The following CRYL1 variants were observed in gnomAD, a reference collection of about 807,000 sequenced individuals.
The protein encoded by CRYL1 is lambda-crystallin homolog.
A neutral mutation model predicts 36.6 loss-of-function variants in CRYL1; 29 were observed. The ratio of observed to expected loss-of-function variants is 0.79; its 90% CI spans 0.59 to 1.08. The LOEUF (loss-of-function observed/expected upper bound fraction) is 1.08, where lower values mean the gene tolerates loss of function less well. CRYL1 is among the 50% of genes least tolerant of loss of function. CRYL1 has a pLI of 0.00. For missense variants in CRYL1, 411 were observed against 407.9 expected (o/e 1.01, Z -0.06); for synonymous variants, 152 against 151.5 (o/e 1.00, Z -0.02).
chr13:20,512,243 C>T (rs920809160), intron 2 of CRYL1, among the ~76,000 whole-genome samples, 200 bp downstream of exon 2: 6 of 152,258 alleles, frequency 3.9e-5, no homozygotes, highest in African/African-American at 1.4e-4. Context: ...CATTTCCTCC[C>T]CCATGGGAGC....
At chr13:20,501,103 A>T (rs528658953) in intron 2 of CRYL1, among the ~76,000 whole-genome samples, 56 of 152,192 alleles carry the variant, frequency 3.7e-4, no homozygotes, top group Middle Eastern at 3.4e-3. Flanking sequence ...TGGATTTGAG[A>T]CTGAACTCCC....
rs1408445892 is a variant in CRYL1 at position 20,435,728 on chromosome 13, A to G, written c.439-3432T>C. Among the ~76,000 whole-genome samples, 1 of 152,200 alleles carries G rather than the reference A, an allele frequency of 6.6e-6. No individual in the cohort carries two copies. Among genetic ancestry groups the G allele is most frequent in the Non-Finnish European group, 1.5e-5 (1 of 68,026 alleles). On this transcript the variant is annotated intron_variant, in intron 4 of 7. Transcript: ENST00000298248. The surrounding 1 kb of genome is among the most constrained non-coding windows in gnomAD (Gnocchi z 4.0). Reference sequence around the variant, plus strand: ...CTGGGCCTGCGCAGGCCGGCGGAGCACAAGGGACGCATTCTTCCCCGCCGC... The same window carrying G: ...CTGGGCCTGCGCAGGCCGGCGGAGCGCAAGGGACGCATTCTTCCCCGCCGC...
chr13:20,432,757 C>T (rs1408402664), intron 4 of CRYL1, among the ~76,000 whole-genome samples: 1 of 152,122 alleles, frequency 6.6e-6, no homozygotes, highest in African/African-American at 2.4e-5. Context: ...GTGGCTCACA[C>T]CTGTAATCCC....
intron 1 of CRYL1, among the ~76,000 whole-genome samples, chr13:20,524,314 CACAT>C (rs1323814079): frequency 2.0e-5 from 3 of 152,208 alleles, no homozygotes; most frequent in Non-Finnish European, 2.9e-5. Context: ...TATACACACA[CACAT>C]AAACTCTGGT....
rs1256792341 is a variant in CRYL1, at chr13:20,439,506, C to A, written c.438+87G>T. 12 of 1,030,416 alleles carry A rather than the reference C, an allele frequency of 1.2e-5. 1 individual carries two copies. Among genetic ancestry groups the A allele is most frequent in the Admixed American group, 6.1e-5 (2 of 32,548 alleles). 63.8% of individuals were successfully genotyped at this position (1,030,416 alleles called of 1,614,324 possible). On this transcript the variant is annotated intron_variant, in intron 4 of 7. Coordinates refer to ENST00000298248, the MANE Select transcript of CRYL1 (RefSeq NM_015974.3). ...GATTACTCACAAGTTATTGACCCCC[C>A]TCCCCCGCAAAAAAAAAAAAAAAAG...
chr13:20,497,718 CACAA>C (rs113982527), intron 2 of CRYL1, among the ~76,000 whole-genome samples: 38 of 150,770 alleles, frequency 2.5e-4, no homozygotes, highest in African/African-American at 3.2e-4. Context: ...ACACACACCA[CACAA>C]ACACACACCA....
chr13:20,454,510 G>A (rs905760558), intron 3 of CRYL1, among the ~76,000 whole-genome samples: 13 of 150,106 alleles, frequency 8.7e-5, no homozygotes, highest in Admixed American at 7.3e-4. Context: ...CTCCGCCTCT[G>A]AAGTTCACGC....
At chr13:20,468,217 A>T (rs1460795786) in intron 3 of CRYL1, among the ~76,000 whole-genome samples, 2 of 152,206 alleles carry the variant, frequency 1.3e-5, no homozygotes, top group African/African-American at 2.4e-5. Flanking sequence ...AAATTTTTTT[A>T]AGGCGTTAAA....
intron 3 of CRYL1, among the ~76,000 whole-genome samples, chr13:20,477,906 T>C (rs886151006): frequency 3.5e-4 from 51 of 146,218 alleles, no homozygotes; most frequent in African/African-American, 1.1e-3. Flanking sequence ...AATACTACCA[T>C]ATGTATTATA....
intron 6 of CRYL1, 43 bp downstream of exon 6, chr13:20,413,239 C>G (rs1354051588): frequency 1.5e-6 from 2 of 1,359,866 alleles, no homozygotes; most frequent in Non-Finnish European, 2.1e-6. Context: ...CCCATGACAA[C>G]ACTAAATAGA....
intron 3 of CRYL1, among the ~76,000 whole-genome samples, chr13:20,488,838 C>T (rs1239759796): frequency 6.6e-6 from 1 of 152,220 alleles, no homozygotes; most frequent in Non-Finnish European, 1.5e-5. Context: ...GGGGCTGCTC[C>T]CAGCTCCACC....
chr13:20,515,682 C>A (rs979040045), intron 1 of CRYL1: 1 of 152,082 alleles, frequency 6.6e-6, no homozygotes, highest in East Asian at 1.9e-4. Context: ...ATGAAATAAG[C>A]CAGTCACAAA....
chr13:20,474,644 C>T (rs2033127310), intron 3 of CRYL1, among the ~76,000 whole-genome samples: 4 of 152,132 alleles, frequency 2.6e-5, no homozygotes, highest in Admixed American at 1.3e-4. Context: ...AAATAAAATG[C>T]TCCTGGCCCC....
At chr13:20,426,325 T>C (rs1028361531) in intron 5 of CRYL1, among the ~76,000 whole-genome samples, 6 of 150,528 alleles carry the variant, frequency 4.0e-5, no homozygotes, top group Admixed American at 4.0e-4. Context: ...CCCAGGCTGG[T>C]CTTGGACTCC....
At chr13:20,424,227 C>T (rs1440571116) in intron 5 of CRYL1, among the ~76,000 whole-genome samples, 1 of 152,134 alleles carries the variant, frequency 6.6e-6, no homozygotes, top group Non-Finnish European at 1.5e-5. Flanking sequence ...CTCAATTAAC[C>T]AGGAGGCTGG....
At chr13:20,508,783 A>G (rs186027314) in intron 2 of CRYL1, among the ~76,000 whole-genome samples, 1,519 of 138,174 alleles carry the variant, frequency 0.011, 24 homozygotes, top group Non-Finnish European at 0.018. Context: ...TAGGAGGTGG[A>G]GCTTGCAGCG....
At chr13:20,428,783 G>C (rs2031989288) in intron 5 of CRYL1, among the ~76,000 whole-genome samples, 1 of 152,136 alleles carries the variant, frequency 6.6e-6, no homozygotes, top group African/African-American at 2.4e-5. Context: ...GGGTGGCAGG[G>C]AACGGCATTC....
chr13:20,450,960 G>A (rs886341021), intron 3 of CRYL1, among the ~76,000 whole-genome samples: 4 of 150,532 alleles, frequency 2.7e-5, no homozygotes, highest in Non-Finnish European at 4.4e-5. Context: ...CTATCGCAAG[G>A]ACAGAAAACC....
chr13:20,498,939 AG>A (rs1473995811), intron 2 of CRYL1, among the ~76,000 whole-genome samples: 3 of 152,230 alleles, frequency 2.0e-5, no homozygotes, highest in African/African-American at 7.2e-5. Flanking sequence ...ACTTCCCAAC[AG>A]CAAAATATCA....
Sources: gnomAD v4.1 joint callset for allele counts (sites outside exome capture counted in the v4.1 genomes callset) on GRCh38, gnomAD v4.1.1 for gene constraint, Gnocchi (gnomAD v3.1) non-coding constraint, MANE v1.5 for transcripts, NCBI Gene and HGNC (gene_info 2026-07-23, HGNC 2026-07-21) for gene names.